GRIK1: variants seen among roughly 807,000 people sequenced by gnomAD.
The protein encoded by GRIK1 is glutamate ionotropic receptor kainate type subunit 1, also known as glutamate receptor ionotropic, kainate 1.
GRIK1 carries 69 observed loss-of-function variants against 105.7 expected under a neutral mutation model. That is an observed-to-expected ratio of 0.65 (90% CI 0.54 to 0.80). The LOEUF is 0.80. GRIK1 is among the 30% of genes least tolerant of loss of function. GRIK1 has a pLI of 0.00. For missense variants in GRIK1, 1,109 were observed against 1,167.3 expected (o/e 0.95, Z 0.73); for synonymous variants, 438 against 431.3 (o/e 1.02, Z -0.19).
intron 1 of GRIK1, among the ~76,000 whole-genome samples, chr21:29,776,716 C>T (rs1237022404): frequency 3.3e-5 from 5 of 152,120 alleles, no homozygotes; most frequent in African/African-American, 9.7e-5. Flanking sequence ...TAGTGATGAC[C>T]TAAACAAGCA....
chr21:29,695,043 C>A (rs2063668062), intron 1 of GRIK1, among the ~76,000 whole-genome samples: 1 of 151,926 alleles, frequency 6.6e-6, no homozygotes, highest in African/African-American at 2.4e-5. Context: ...CATCAGGTAA[C>A]TGAAGAAATA....
At position 29,587,365 on chromosome 21, in the gene GRIK1, C is replaced by T; in HGVS notation, c.1793+1G>A. 1 of 1,584,886 alleles carries T rather than the reference C, an allele frequency of 6.3e-7. No individual in the cohort carries two copies. Among genetic ancestry groups the T allele is most frequent in the Non-Finnish European group, 8.7e-7 (1 of 1,153,366 alleles). The stretch of plus-strand genomic sequence containing the variant: ...GTGAATTCAGTGATTCTCAAACTTA[C>T]CTTGCAATCACAAAGAGTACACAGC... On this transcript the variant is annotated splice_donor_variant, in intron 12 of 17. Coordinates refer to ENST00000327783, the MANE Select transcript of GRIK1 (RefSeq NM_001330994.2). LOFTEE classifies it high-confidence loss of function.
chr21:29,759,339 A>T (rs1312893879), intron 1 of GRIK1, among the ~76,000 whole-genome samples: 1 of 151,860 alleles, frequency 6.6e-6, no homozygotes, highest in Non-Finnish European at 1.5e-5. Context: ...GGATGGTCTC[A>T]AGTCTCCTGA....
intron 7 of GRIK1, among the ~76,000 whole-genome samples, chr21:29,640,145 C>A (rs1280265454): frequency 2.8e-5 from 4 of 140,430 alleles, no homozygotes; most frequent in Admixed American, 1.4e-4. Context: ...AACTTCTTTA[C>A]AAAGTGAGAA....
At chr21:29,656,287 G>A (rs1464129560) in intron 4 of GRIK1, among the ~76,000 whole-genome samples, 8 of 147,822 alleles carry the variant, frequency 5.4e-5, no homozygotes, top group Non-Finnish European at 8.9e-5. Flanking sequence ...GCGTGAACCC[G>A]GGGGCGGAGC....
chr21:29,738,124 G>T (rs1304668960), intron 1 of GRIK1, among the ~76,000 whole-genome samples: 1 of 152,258 alleles, frequency 6.6e-6, no homozygotes, highest in Admixed American at 6.5e-5. Flanking sequence ...CTGAATGGAA[G>T]TGCGTTGCAC....
At chr21:29,556,450 G>A (rs1309156177) in intron 15 of GRIK1, among the ~76,000 whole-genome samples, 1 of 152,026 alleles carries the variant, frequency 6.6e-6, no homozygotes, top group Non-Finnish European at 1.5e-5. Flanking sequence ...CAAATTTATC[G>A]ATATTGTGGT....
At chr21:29,722,545 G>C (rs150713718) in intron 1 of GRIK1, among the ~76,000 whole-genome samples, 2 of 144,198 alleles carry the variant, frequency 1.4e-5, no homozygotes, top group Non-Finnish European at 3.0e-5. Context: ...GACTGAGAGA[G>C]ACTCTGTCTC....
At chr21:29,607,427 A>G (rs1172921870) in intron 7 of GRIK1, among the ~76,000 whole-genome samples, 4 of 151,178 alleles carry the variant, frequency 2.6e-5, no homozygotes, top group Non-Finnish European at 4.4e-5. Flanking sequence ...TTTTCACCTC[A>G]TTGTGTATGA....
chr21:29,867,412 G>A (rs1252840745), intron 1 of GRIK1, among the ~76,000 whole-genome samples: 1 of 152,004 alleles, frequency 6.6e-6, no homozygotes, highest in Non-Finnish European at 1.5e-5. Context: ...GAAGAGAGGA[G>A]GAAGGGACAG....
At chr21:29,747,207 A>T (rs1479836260) in intron 1 of GRIK1, among the ~76,000 whole-genome samples, 2 of 152,250 alleles carry the variant, frequency 1.3e-5, no homozygotes, top group African/African-American at 4.8e-5. Flanking sequence ...GTATTAGAGT[A>T]CTAAGAAAGA....
At chr21:29,930,139 C>T (rs1271437539) in intron 1 of GRIK1, among the ~76,000 whole-genome samples, 4 of 152,154 alleles carry the variant, frequency 2.6e-5, no homozygotes, top group African/African-American at 9.7e-5. Flanking sequence ...TGCATGGAAA[C>T]AGCCTTAGGG....
chr21:29,909,291 C>T (rs1320541418), intron 1 of GRIK1, among the ~76,000 whole-genome samples: 1 of 151,868 alleles, frequency 6.6e-6, no homozygotes, highest in Non-Finnish European at 1.5e-5. Flanking sequence ...GCTGCTTCAT[C>T]TCATTTTTCT....
chr21:29,626,546 C>A (rs2062135671), intron 7 of GRIK1, among the ~76,000 whole-genome samples: 1 of 152,136 alleles, frequency 6.6e-6, no homozygotes, highest in South Asian at 2.1e-4. Flanking sequence ...CAGAAAAAAC[C>A]AAACTTGGTG....
intron 1 of GRIK1, among the ~76,000 whole-genome samples, chr21:29,846,699 A>G (rs2068135989): frequency 7.5e-6 from 1 of 133,824 alleles, no homozygotes; most frequent in African/African-American, 3.1e-5. Context: ...TGCTTAAAGA[A>G]TGAGAAGGGA....
Position 29,939,520 on chromosome 21 carries a change from A to G in GRIK1, c.-20T>C. On this transcript the variant is annotated 5_prime_UTR_variant, in exon 1 of 18. An upstream start codon of the reference 5' UTR is lost. Coordinates refer to ENST00000327783, the MANE Select transcript of GRIK1 (RefSeq NM_001330994.2). ...CTCCATCTTCCTAGCTTCTTAATTC[A>G]TGCCGAGATACAGCCGCTGCCGGAC... The G allele has an allele frequency of 6.8e-7, 1 of 1,468,496 alleles. No individual in the cohort carries two copies. The highest frequency in any genetic ancestry group is 1.2e-5 in the South Asian group (1 of 81,366). 91.0% of individuals were successfully genotyped at this position (1,468,496 alleles called of 1,614,324 possible).
At chr21:29,615,679 T>C (rs2061833806) in intron 7 of GRIK1, among the ~76,000 whole-genome samples, 1 of 152,204 alleles carries the variant, frequency 6.6e-6, no homozygotes, top group South Asian at 2.1e-4. Flanking sequence ...ATTCCGAAGA[T>C]CTTCCAAGAT....
intron 1 of GRIK1, among the ~76,000 whole-genome samples, chr21:29,788,236 G>A (rs192535012): frequency 4.4e-4 from 67 of 152,322 alleles, no homozygotes; most frequent in South Asian, 1.4e-3. Flanking sequence ...AGGATGAGGA[G>A]CTTGGAAGGG....
intron 3 of GRIK1, among the ~76,000 whole-genome samples, chr21:29,674,474 A>G (rs1329143950): frequency 1.3e-5 from 2 of 152,006 alleles, no homozygotes; most frequent in Non-Finnish European, 2.9e-5. Flanking sequence ...TCATTATCTG[A>G]TATGGCTTGG....
Sources: gnomAD v4.1 joint callset for allele counts (sites outside exome capture counted in the v4.1 genomes callset) on GRCh38, gnomAD v4.1.1 for gene constraint, MANE v1.5 for transcripts, NCBI Gene and HGNC (gene_info 2026-07-23, HGNC 2026-07-21) for gene names.